The following CFAP52 variants were observed in gnomAD, a reference collection of about 807,000 sequenced individuals.
CFAP52 encodes cilia and flagella associated protein 52.
A neutral mutation model predicts 70.5 loss-of-function variants in CFAP52; 57 were observed. That is an observed-to-expected ratio of 0.81 (90% confidence interval 0.65 to 1.01). The LOEUF is 1.01. Ranked by LOEUF, CFAP52 falls within the 50% of genes least tolerant of loss-of-function variation. The pLI is 0.00. For missense variants in CFAP52, 785 were observed against 788.5 expected, an observed-to-expected ratio of 1.00 and a Z score of 0.05; for synonymous variants, 267 against 292.5, an observed-to-expected ratio of 0.91 and a Z score of 0.89.
chr17:9,630,273 G>A (rs1304620630), intron 9 of CFAP52, among the ~76,000 whole-genome samples: 1 of 151,234 alleles, frequency 6.6e-6, no homozygotes, highest in East Asian at 2.1e-4. Context: ...AGAAGCCAGA[G>A]GTCTGTTTTA....
At position 9,585,864 on chromosome 17, in the gene CFAP52, T is replaced by C. The variant is rs1327343526; in HGVS notation, c.162T>C (p.Thr54=). The C allele has an allele frequency of 6.2e-7, 1 of 1,614,028 alleles. No individual in the cohort carries two copies. Among genetic ancestry groups the C allele is most frequent in the Non-Finnish European group, 8.5e-7 (1 of 1,180,016 alleles). Residue 54 remains threonine (T), a synonymous_variant, in exon 2 of 14, where the codon ACT becomes ACC. Transcript: ENST00000352665. ...GCTVLIQAIN[T]KEQNFLQGHG... is the part of the protein sequence containing the mutation. Reference sequence around the variant, plus strand: ...CAGTCCTCATTCAGGCAATAAATACTAAAGAGCAGAACTTCCTACAGGGTC... The same window carrying C: ...CAGTCCTCATTCAGGCAATAAATACCAAAGAGCAGAACTTCCTACAGGGTC...
At chr17:9,644,866 C>T (rs1428238282), downstream of CFAP52, 2 of 152,224 alleles carry the variant, frequency 1.3e-5, no homozygotes, top group Non-Finnish European at 2.9e-5. Context: ...GAGCCCCCTT[C>T]CTTGCCGATT....
In CFAP52 at chr17:9,599,452, G is replaced by C. The variant is rs868026314; in HGVS notation, c.637-615G>C. 3.3e-5 allele frequency among the ~76,000 whole-genome samples: 5 copies of C among 152,170 alleles called. No homozygotes were observed. The South Asian group carries it at 8.3e-4, about 25-fold the overall frequency. On this transcript the variant is annotated intron_variant, in intron 5 of 13. Coordinates refer to ENST00000352665, the MANE Select transcript of CFAP52 (RefSeq NM_145054.5). ...ACACCTTTATCCTAGGAGCCCTTAA[G>C]AGATGTCTCAAAATTCTGAACTGGC...
intron 1 of CFAP52, among the ~76,000 whole-genome samples, chr17:9,582,997 G>A (rs894800971): frequency 6.6e-6 from 1 of 152,036 alleles, no homozygotes; most frequent in African/African-American, 2.4e-5. Flanking sequence ...TTTATGATTT[G>A]CTCTTTTTGT....
At chr17:9,590,134 G>T (rs1211471149) in intron 3 of CFAP52, 1 of 201,472 alleles carries the variant, frequency 5.0e-6, no homozygotes, top group Admixed American at 4.6e-5. Flanking sequence ...GCTGTGATAC[G>T]TGTGGTGATC....
intron 7 of CFAP52, among the ~76,000 whole-genome samples, chr17:9,609,024 C>T (rs1486218418): frequency 6.6e-6 from 1 of 152,094 alleles, no homozygotes; most frequent in African/African-American, 2.4e-5. Flanking sequence ...TCAGGGAGGA[C>T]AGTTCACAGA....
At chr17:9,602,571 G>A (rs571134781) in intron 6 of CFAP52, among the ~76,000 whole-genome samples, 9 of 152,224 alleles carry the variant, frequency 5.9e-5, no homozygotes, top group African/African-American at 2.2e-4. Flanking sequence ...ATTGTGAATA[G>A]TGCCACAATA....
At chr17:9,577,020 AC>A (rs1404848992) in intron 1 of CFAP52, among the ~76,000 whole-genome samples, 1 of 152,132 alleles carries the variant, frequency 6.6e-6, no homozygotes, top group Non-Finnish European at 1.5e-5. Flanking sequence ...CCTAAAAGGG[AC>A]CAAATGCCTC....
Position 9,601,491 on chromosome 17 carries a change from C to T in CFAP52, c.753+1308C>T, listed in dbSNP as rs543928042. Among the ~76,000 whole-genome samples, 48 of 152,296 alleles carry T rather than the reference C, an allele frequency of 3.2e-4. No homozygotes were observed. The Middle Eastern group carries it at 0.01, about 32-fold the overall frequency. Reference sequence around the variant, plus strand: ...GGGCCTATTGCTTTGTGATTTTAAACTGCGTTGGTTCCAGCCCCATTGCCA... The same window carrying T: ...GGGCCTATTGCTTTGTGATTTTAAATTGCGTTGGTTCCAGCCCCATTGCCA... On this transcript the variant is annotated intron_variant, in intron 6 of 13. Coordinates refer to ENST00000352665, the MANE Select transcript of CFAP52 (RefSeq NM_145054.5).
chr17:9,595,937 A>G (rs1400876669), intron 4 of CFAP52, among the ~76,000 whole-genome samples: 1 of 150,818 alleles, frequency 6.6e-6, no homozygotes, highest in South Asian at 2.1e-4. Flanking sequence ...ATGTCTGAGT[A>G]CTTACTATAT....
intron 8 of CFAP52, among the ~76,000 whole-genome samples, chr17:9,623,602 A>G (rs896613060): frequency 2.0e-5 from 3 of 152,144 alleles, no homozygotes; most frequent in African/African-American, 7.2e-5. Context: ...GATGGTCTTC[A>G]TTCTTTCTTA....
rs57688684 is a variant in CFAP52, at chr17:9,597,831, A to AGAGAG, written c.537-403_537-402insGAGAG. Among the ~76,000 whole-genome samples, 1,139 of 131,670 alleles carry AGAGAG rather than the reference A, an allele frequency of 8.7e-3. 11 individuals carry two copies. The highest frequency in any genetic ancestry group is 0.027 in the South Asian group (109 of 4,064). The allele number at this position is 131,670 out of a possible 152,430, so 86.4% of individuals were successfully genotyped here. On this transcript the variant is annotated intron_variant, in intron 4 of 13. Coordinates refer to ENST00000352665, the MANE Select transcript of CFAP52 (RefSeq NM_145054.5). ...AGAGAGAGAGAGAGAGAGAGAGAGA[A>AGAGAG]AGAGAGAAAGAGAGAGAGAAAGAGA...
rs1280756842 is a variant in CFAP52, at chr17:9,598,331, G to T, written c.634G>T (p.Gly212Ter). Residue 212 changes from glycine (G) to a stop codon, truncating the protein, a stop_gained and splice_region_variant, in exon 5 of 14, where the codon GGA becomes TGA. Transcript: ENST00000352665. LOFTEE classifies it high-confidence loss of function. ...GTTGAAAAGAATAGTCATGAGTATT[G>T]GAGTAAGTATTAATTTAAGTATTAA... ...GQLKRIVMSI[G>*]VDDDDSFFYL... is the part of the protein sequence containing the mutation. The T allele has an allele frequency of 1.9e-6, 3 of 1,607,918 alleles. No individual in the cohort carries two copies. Among genetic ancestry groups the T allele is most frequent in the South Asian group, 1.1e-5 (1 of 89,842 alleles).
At chr17:9,611,377 CAG>C (rs1219651323) in intron 7 of CFAP52, among the ~76,000 whole-genome samples, 1 of 151,808 alleles carries the variant, frequency 6.6e-6, no homozygotes, top group African/African-American at 2.4e-5. Flanking sequence ...TTTTTTGAGA[CAG>C]AGTCTCACTC....
At chr17:9,627,456 A>T (rs1357321358) in intron 8 of CFAP52, among the ~76,000 whole-genome samples, 1 of 152,192 alleles carries the variant, frequency 6.6e-6, no homozygotes, top group Non-Finnish European at 1.5e-5. Flanking sequence ...GTAAGCCAAG[A>T]TCGGACCATT....
intron 8 of CFAP52, among the ~76,000 whole-genome samples, chr17:9,615,197 G>A (rs1243071337): frequency 6.6e-6 from 1 of 152,104 alleles, no homozygotes; most frequent in African/African-American, 2.4e-5. Context: ...GTTTTCAATT[G>A]CTATTACTTT....
intron 5 of CFAP52, among the ~76,000 whole-genome samples, chr17:9,599,336 C>T (rs761053990): frequency 2.6e-5 from 4 of 152,180 alleles, no homozygotes; most frequent in Non-Finnish European, 5.9e-5. Flanking sequence ...TCTCCATGGA[C>T]TGATTCCTCT....
At chr17:9,596,085 ATATATATATATATATATG>A (rs1909004250) in intron 4 of CFAP52, among the ~76,000 whole-genome samples, 1 of 139,782 alleles carries the variant, frequency 7.2e-6, no homozygotes, top group Non-Finnish European at 1.5e-5. Flanking sequence ...ATATATATAT[ATATATATATATATATATG>A]TACACATATA....
At chr17:9,634,038 C>T (rs553064679) in intron 10 of CFAP52, among the ~76,000 whole-genome samples, 6 of 152,198 alleles carry the variant, frequency 3.9e-5, no homozygotes, top group South Asian at 4.1e-4. Context: ...TACACCCAGA[C>T]GTTTTGACCA....
Sources: allele counts gnomAD v4.1 joint callset (sites outside exome capture counted in the v4.1 genomes callset), GRCh38; gene constraint gnomAD v4.1.1; transcripts MANE v1.5; gene names NCBI Gene and HGNC (gene_info 2026-07-23, HGNC 2026-07-21).